The following CNTN5 variants were observed in gnomAD, a reference collection of about 807,000 sequenced individuals.
CNTN5 encodes the protein contactin 5.
In CNTN5, 77 loss-of-function variants were observed where a neutral mutation model predicts 129.1. The observed-to-expected ratio is 0.60, with a 90% CI of 0.50 to 0.72. CNTN5 has a LOEUF of 0.72. Ranked by LOEUF, CNTN5 falls within the 30% of genes least tolerant of loss-of-function variation. CNTN5 has a pLI of 0.00. For missense variants in CNTN5, 1,478 were observed against 1,328.8 expected, an observed-to-expected ratio of 1.11 and a Z score of -1.75; for synonymous variants, 509 against 465.6, an observed-to-expected ratio of 1.09 and a Z score of -1.20.
intron 7 of CNTN5, among the ~76,000 whole-genome samples, chr11:99,923,757 G>GTCTGTCTGTCTGTCTATCTATCTA (rs71050033): frequency 5.7e-5 from 8 of 140,702 alleles, no homozygotes; most frequent in African/African-American, 2.2e-4. Context: ...CTATCTGTCT[G>GTCTGTCTGTCTGTCTATCTATCTA]TCTATCTATC....
chr11:100,291,308 C>T lies in CNTN5; in HGVS notation c.2315-6317C>T, dbSNP rs1013678668. On this transcript the variant is annotated intron_variant, in intron 18 of 24. Coordinates refer to ENST00000524871, the MANE Select transcript of CNTN5 (RefSeq NM_014361.4). ...ATGCTGCTATAAAGACACATGCACACGTATGTTTATTGCAGCACTATTCAC... is the reference window on the plus strand; with the variant it reads ...ATGCTGCTATAAAGACACATGCACATGTATGTTTATTGCAGCACTATTCAC... Among the ~76,000 whole-genome samples the T allele has an allele frequency of 6.5e-3, 981 of 152,012 alleles. 11 individuals carry two copies. Among genetic ancestry groups the T allele is most frequent in the African/African-American group, 0.022 (912 of 41,440 alleles).
chr11:99,969,123 T>C (rs1951179600), intron 8 of CNTN5, among the ~76,000 whole-genome samples: 1 of 142,920 alleles, frequency 7.0e-6, no homozygotes, highest in African/African-American at 2.4e-5. Context: ...TGAATTTCTG[T>C]CTATAAAGAG....
chr11:99,660,360 G>A (rs1346037588), intron 3 of CNTN5, among the ~76,000 whole-genome samples: 3 of 152,104 alleles, frequency 2.0e-5, no homozygotes, highest in Non-Finnish European at 4.4e-5. Flanking sequence ...TTACAAATTG[G>A]CCTGAGGAAA....
At chr11:99,269,674 C>G (rs907493757) in intron 1 of CNTN5, among the ~76,000 whole-genome samples, 2 of 150,364 alleles carry the variant, frequency 1.3e-5, no homozygotes, top group Admixed American at 6.6e-5. Context: ...TTTTTTCAAT[C>G]TAGGAGTCTA....
At chr11:99,898,674 A>G (rs991372605) in intron 6 of CNTN5, among the ~76,000 whole-genome samples, 1 of 151,962 alleles carries the variant, frequency 6.6e-6, no homozygotes, top group African/African-American at 2.4e-5. Flanking sequence ...CCTAGAAATT[A>G]TGTATTTTCA....
chr11:99,607,727 A>G (rs1178798071), intron 3 of CNTN5, among the ~76,000 whole-genome samples: 1 of 122,560 alleles, frequency 8.2e-6, no homozygotes, highest in Non-Finnish European at 1.8e-5. Flanking sequence ...AGACTGGATT[A>G]AGAAAATGTG....
At chr11:99,137,008 A>T (rs1859265812) in intron 1 of CNTN5, among the ~76,000 whole-genome samples, 1 of 152,218 alleles carries the variant, frequency 6.6e-6, no homozygotes, top group South Asian at 2.1e-4. Context: ...CAAGCAATAT[A>T]TCTACTTATG....
At chr11:99,489,340 T>C (rs559285586) in intron 2 of CNTN5, among the ~76,000 whole-genome samples, 1 of 152,334 alleles carries the variant, frequency 6.6e-6, no homozygotes, top group South Asian at 2.1e-4. Flanking sequence ...TTATTTATTC[T>C]GGTATATAAG....
At chr11:99,481,854 C>T (rs1207930043) in intron 2 of CNTN5, among the ~76,000 whole-genome samples, 2 of 152,278 alleles carry the variant, frequency 1.3e-5, no homozygotes, top group Non-Finnish European at 1.5e-5. Flanking sequence ...ATTCTCTGTA[C>T]TGCAATTATA....
chr11:99,318,383 A>G (rs1865432188), intron 1 of CNTN5, among the ~76,000 whole-genome samples: 1 of 152,198 alleles, frequency 6.6e-6, no homozygotes, highest in Non-Finnish European at 1.5e-5. Context: ...CTAGAACAAC[A>G]TCCCTGGACA....
At chr11:99,791,442 C>T (rs1036581244) in intron 3 of CNTN5, among the ~76,000 whole-genome samples, 5 of 152,070 alleles carry the variant, frequency 3.3e-5, no homozygotes, top group Admixed American at 6.6e-5. Context: ...TGTCAAAGAG[C>T]AGATGGTTGC....
chr11:99,873,881 TAAAA>T (rs902634982), intron 6 of CNTN5, among the ~76,000 whole-genome samples: 9 of 151,880 alleles, frequency 5.9e-5, no homozygotes, highest in Non-Finnish European at 1.2e-4. Context: ...AATGCAGCCA[TAAAA>T]AAAGAATGAT....
chr11:100,238,572 AAAG>A (rs1949674277), intron 16 of CNTN5, among the ~76,000 whole-genome samples: 1 of 151,834 alleles, frequency 6.6e-6, no homozygotes, highest in African/African-American at 2.4e-5. Flanking sequence ...GAGGAGGAAG[AAAG>A]AGGAGAGGAA....
At chr11:99,918,485 T>G (rs563490144) in intron 7 of CNTN5, among the ~76,000 whole-genome samples, 1 of 152,296 alleles carries the variant, frequency 6.6e-6, no homozygotes, top group East Asian at 1.9e-4. Flanking sequence ...GTCAAATGTT[T>G]TATGTGTCTT....
chr11:100,286,354 C>A (rs1442378767), intron 18 of CNTN5, among the ~76,000 whole-genome samples: 11 of 151,872 alleles, frequency 7.2e-5, no homozygotes, highest in African/African-American at 2.4e-4. Context: ...TTAAATGTCC[C>A]TGTCTGACAG....
At chr11:99,744,960 C>G (rs898172891) in intron 3 of CNTN5, among the ~76,000 whole-genome samples, 1 of 152,108 alleles carries the variant, frequency 6.6e-6, no homozygotes, top group Admixed American at 6.6e-5. Context: ...TTCATTTCCC[C>G]TACTATTCGA....
intron 21 of CNTN5, chr11:100,308,839 T>G (rs1428160478): frequency 6.1e-6 from 6 of 987,320 alleles, no homozygotes; most frequent in Non-Finnish European, 7.2e-6. Flanking sequence ...TTGTACTTTA[T>G]TGGTATCTCT....
intron 1 of CNTN5, among the ~76,000 whole-genome samples, chr11:99,291,748 A>C (rs1050087247): frequency 6.6e-6 from 1 of 152,160 alleles, no homozygotes; most frequent in Non-Finnish European, 1.5e-5. Flanking sequence ...TTTGAATGTA[A>C]TAAATGAGCC....
At chr11:100,325,514 T>G (rs1477197655) in intron 21 of CNTN5, among the ~76,000 whole-genome samples, 2 of 152,192 alleles carry the variant, frequency 1.3e-5, no homozygotes, top group African/African-American at 2.4e-5. Context: ...TTCATCTTTG[T>G]GCAGTGACCC....
Sources: gnomAD v4.1 joint callset for allele counts (sites outside exome capture counted in the v4.1 genomes callset) on GRCh38, gnomAD v4.1.1 for gene constraint, MANE v1.5 for transcripts, NCBI Gene and HGNC (gene_info 2026-07-23, HGNC 2026-07-21) for gene names.